Variants in SPOCK1 observed in about 807,000 individuals in gnomAD.
SPOCK1 encodes the protein SPARC (osteonectin), cwcv and kazal like domains proteoglycan 1, also known as testican-1.
Under a neutral mutation model 55.3 loss-of-function variants are expected in SPOCK1, and 23 were observed. The ratio of observed to expected loss-of-function variants is 0.42; its 90% CI spans 0.30 to 0.59. The LOEUF is 0.59. Ranked by LOEUF, SPOCK1 falls within the 20% of genes least tolerant of loss-of-function variation. The pLI is 0.22. For missense variants in SPOCK1, 499 were observed against 552.5 expected (o/e 0.90, Z 0.97); for synonymous variants, 226 against 221.0 (o/e 1.02, Z -0.20).
chr5:137,023,311 TGTGAA>T (rs1751609078), intron 6 of SPOCK1, among the ~76,000 whole-genome samples: 1 of 152,182 alleles, frequency 6.6e-6, no homozygotes, highest in Non-Finnish European at 1.5e-5. Flanking sequence ...ATTTTGGTAA[TGTGAA>T]AAATAGACCT....
At chr5:136,998,286 T>C (rs1026491900) in intron 6 of SPOCK1, among the ~76,000 whole-genome samples, 2 of 152,260 alleles carry the variant, frequency 1.3e-5, no homozygotes, top group Non-Finnish European at 2.9e-5. Flanking sequence ...ATCTGTCTGC[T>C]GTGGATAAGT....
Position 137,278,759 on chromosome 5 carries a change from C to T in SPOCK1, c.187-11704G>A, listed in dbSNP as rs114198560. On this transcript the variant is annotated intron_variant, in intron 2 of 10. Coordinates refer to ENST00000394945, the MANE Select transcript of SPOCK1 (RefSeq NM_004598.4). ...GGCACTTCAGCCAGGCTCCACTCTT[C>T]ATAACTTGCTCAGCTGACCCCTTGG... Among the ~76,000 whole-genome samples, 963 of 152,338 alleles carry T rather than the reference C, an allele frequency of 6.3e-3. 4 individuals are homozygous for T. Among genetic ancestry groups the T allele is most frequent in the African/African-American group, 0.023 (944 of 41,574 alleles).
intron 3 of SPOCK1, among the ~76,000 whole-genome samples, chr5:137,264,236 G>C (rs1283710795): frequency 6.6e-6 from 1 of 152,012 alleles, no homozygotes; most frequent in Non-Finnish European, 1.5e-5. Flanking sequence ...GTATGTTTTT[G>C]GGTTCCTAAT....
At chr5:137,292,223 A>G (rs1410417066) in intron 2 of SPOCK1, among the ~76,000 whole-genome samples, 3 of 152,086 alleles carry the variant, frequency 2.0e-5, no homozygotes, top group African/African-American at 7.2e-5. Flanking sequence ...AGGTCTCTGG[A>G]TGAGGGATGA....
intron 3 of SPOCK1, among the ~76,000 whole-genome samples, chr5:137,217,042 A>T (rs1755729888): frequency 6.6e-6 from 1 of 152,150 alleles, no homozygotes; most frequent in African/African-American, 2.4e-5. Flanking sequence ...AAGGGAGTGG[A>T]GAGCTCAGAC....
intron 2 of SPOCK1, among the ~76,000 whole-genome samples, chr5:137,470,932 G>A (rs1276086901): frequency 6.6e-6 from 1 of 152,176 alleles, no homozygotes; most frequent in Non-Finnish European, 1.5e-5. Flanking sequence ...CATGGTTAGT[G>A]TCCAGGGCCT....
At position 137,056,048 on chromosome 5, in the gene SPOCK1, A is replaced by G. The variant is rs568681946; in HGVS notation, c.589+11667T>C. Among the ~76,000 whole-genome samples the G allele has an allele frequency of 1.3e-3, 195 of 152,260 alleles. No homozygotes were observed. In the Middle Eastern group the frequency reaches 0.017, roughly 13 times the overall value. ...ATAAATGTGCCTGGAAAACAGTAAG[A>G]CCCTATACATTTCCTCAGTTACTTC... On this transcript the variant is annotated intron_variant, in intron 6 of 10. Transcript: ENST00000394945.
chr5:137,008,503 C>T (rs1351552826), intron 6 of SPOCK1, among the ~76,000 whole-genome samples: 2 of 152,072 alleles, frequency 1.3e-5, no homozygotes, highest in East Asian at 3.9e-4. Flanking sequence ...ACTGTGCTAT[C>T]AATAATAAAT....
intron 4 of SPOCK1, among the ~76,000 whole-genome samples, chr5:137,125,914 A>C (rs1019760982): frequency 9.2e-5 from 14 of 152,198 alleles, no homozygotes; most frequent in Non-Finnish European, 5.9e-5. Context: ...CAGAAAGAAA[A>C]GGAGAGAGCT....
At chr5:137,266,909 G>A (rs186183832) in intron 3 of SPOCK1, 101 bp downstream of exon 3, 115 of 993,752 alleles carry the variant, frequency 1.2e-4, no homozygotes, top group East Asian at 8.9e-4. Context: ...AAATAACACC[G>A]CTAGCTGGCC....
intron 3 of SPOCK1, among the ~76,000 whole-genome samples, chr5:137,205,513 GT>G (rs1561471148): frequency 6.6e-6 from 1 of 152,234 alleles, no homozygotes; most frequent in Admixed American, 6.5e-5. Context: ...GCTCTTGGCA[GT>G]GATGAATTGT....
In SPOCK1 at chr5:136,979,427, G is replaced by A; in HGVS notation, c.1034C>T (p.Ala345Val). 1.2e-6 allele frequency: 2 copies of A among 1,614,092 alleles called. No homozygotes were observed. The highest frequency in any genetic ancestry group is 2.2e-5 in the East Asian group (1 of 44,870). Residue 345 changes from alanine (A) to valine (V), a missense_variant, in exon 10 of 11, where the codon GCC becomes GTC. Ala to Val is a moderately conservative substitution (Grantham distance 64). This residue lies in a region of SPOCK1 where 30 missense variants were observed against 64.4 expected (regional missense o/e 0.47). Transcript: ENST00000394945. ...PRCNEEGYYK[A>V]TQCHGSTGQC... ...CCCCGTGCTGCCGTGGCACTGTGTGGCTTTGTAATAGCCCTCCTCATTACA... is the reference window on the plus strand; with the variant it reads ...CCCCGTGCTGCCGTGGCACTGTGTGACTTTGTAATAGCCCTCCTCATTACA...
At chr5:137,456,499 C>A (rs1193179682) in intron 2 of SPOCK1, among the ~76,000 whole-genome samples, 1 of 152,106 alleles carries the variant, frequency 6.6e-6, no homozygotes, top group Non-Finnish European at 1.5e-5. Flanking sequence ...TTCCTGATCC[C>A]AGATTGTATA....
intron 2 of SPOCK1, among the ~76,000 whole-genome samples, chr5:137,347,067 C>G (rs540734815): frequency 6.6e-6 from 1 of 152,268 alleles, no homozygotes; most frequent in African/African-American, 2.4e-5. Flanking sequence ...GCGTCATTAC[C>G]TTGGTCCAGG....
chr5:137,424,936 A>G (rs190035891), intron 2 of SPOCK1, among the ~76,000 whole-genome samples: 12 of 152,342 alleles, frequency 7.9e-5, no homozygotes, highest in African/African-American at 2.2e-4. Context: ...CTCAAACTGT[A>G]TACTTTAAAT....
chr5:137,269,780 C>T (rs1293472455), intron 2 of SPOCK1, among the ~76,000 whole-genome samples: 2 of 152,054 alleles, frequency 1.3e-5, no homozygotes, highest in Non-Finnish European at 2.9e-5. Context: ...TTTGTTCATC[C>T]CTGAGACCCA....
chr5:137,381,623 G>A (rs1342024013), intron 2 of SPOCK1, among the ~76,000 whole-genome samples: 1 of 152,222 alleles, frequency 6.6e-6, no homozygotes, highest in African/African-American at 2.4e-5. Flanking sequence ...TGGAGCAATG[G>A]TCTGAGCTGT....
At chr5:137,277,232 C>T (rs909911922) in intron 2 of SPOCK1, among the ~76,000 whole-genome samples, 2 of 152,164 alleles carry the variant, frequency 1.3e-5, no homozygotes, top group Non-Finnish European at 2.9e-5. Context: ...CCTGGCTGGT[C>T]TCAAACTCCT....
At chr5:137,363,179 T>A (rs1195700279) in intron 2 of SPOCK1, among the ~76,000 whole-genome samples, 1 of 152,198 alleles carries the variant, frequency 6.6e-6, no homozygotes, top group Non-Finnish European at 1.5e-5. Context: ...GAGATGGGCA[T>A]CTGCCCTGTA....
Sources: allele counts gnomAD v4.1 joint callset (sites outside exome capture counted in the v4.1 genomes callset), GRCh38; gene constraint gnomAD v4.1.1; regional missense constraint gnomAD v4.1.1; transcripts MANE v1.5; gene names NCBI Gene and HGNC (gene_info 2026-07-23, HGNC 2026-07-21).